ATP9B: variants seen among roughly 807,000 people sequenced by gnomAD.
ATP9B encodes probable phospholipid-transporting ATPase IIB.
Under a neutral mutation model 146.1 loss-of-function variants are expected in ATP9B, and 110 were observed. The observed-to-expected ratio is 0.75, with a 90% CI of 0.65 to 0.88. The LOEUF (loss-of-function observed/expected upper bound fraction) is 0.88, where lower values mean the gene tolerates loss of function less well. Among genes scored for constraint, ATP9B ranks in the 40% least tolerant of loss-of-function variants. The pLI is 0.00. For missense variants in ATP9B, 1,499 were observed against 1,496.4 expected (o/e 1.00, Z -0.03); for synonymous variants, 604 against 569.7 (o/e 1.06, Z -0.86).
chr18:79,084,109 G>A (rs1384450129), intron 1 of ATP9B, among the ~76,000 whole-genome samples: 1 of 151,364 alleles, frequency 6.6e-6, no homozygotes, highest in Non-Finnish European at 1.5e-5. Flanking sequence ...CACCCGCCTC[G>A]GCCTCCCAAA....
chr18:79,229,371 T>C (rs2095767283), intron 11 of ATP9B, among the ~76,000 whole-genome samples: 1 of 152,084 alleles, frequency 6.6e-6, no homozygotes, highest in Non-Finnish European at 1.5e-5. Context: ...GCAACAGTTT[T>C]CTTAAGTTAA....
At chr18:79,179,575 CTG>C (rs1187886953) in intron 8 of ATP9B, among the ~76,000 whole-genome samples, 4 of 152,106 alleles carry the variant, frequency 2.6e-5, no homozygotes, top group East Asian at 3.8e-4. Context: ...TGGAAATACA[CTG>C]TTATTTGCTA....
intron 4 of ATP9B, among the ~76,000 whole-genome samples, chr18:79,123,865 C>T (rs937234410): frequency 6.6e-6 from 1 of 152,168 alleles, no homozygotes; most frequent in African/African-American, 2.4e-5. Context: ...TCTGAGTAGA[C>T]ATTTACCCAA....
At chr18:79,070,025 C>T (rs1377252267) in intron 1 of ATP9B, among the ~76,000 whole-genome samples, 2 of 152,136 alleles carry the variant, frequency 1.3e-5, no homozygotes, top group African/African-American at 4.8e-5. Context: ...CATATATATA[C>T]AAAGTGCTTT....
At chr18:79,291,145 C>G (rs143156637) in intron 13 of ATP9B, among the ~76,000 whole-genome samples, 1 of 152,052 alleles carries the variant, frequency 6.6e-6, no homozygotes, top group Non-Finnish European at 1.5e-5. Context: ...TCCCAAAAAA[C>G]TCTTTTTCAT....
intron 11 of ATP9B, among the ~76,000 whole-genome samples, chr18:79,242,400 C>A (rs113753810): frequency 6.6e-6 from 1 of 152,164 alleles, no homozygotes; most frequent in Non-Finnish European, 1.5e-5. Context: ...TAACCGCAAA[C>A]GAGAAAGATG....
At position 79,100,303 on chromosome 18, in the gene ATP9B, A is replaced by C. The variant is rs958622067; in HGVS notation, c.293+3654A>C. 2.0e-5 allele frequency among the ~76,000 whole-genome samples: 3 copies of C among 152,274 alleles called. No individual in the cohort carries two copies. The South Asian group carries it at 6.2e-4, about 32-fold the overall frequency. ...TCATAGTTGTTGGTTGTCTAGTTCA[A>C]ATCTGTGTTGCTGTTCATGGTTTGC... is the stretch of plus-strand genomic sequence containing the variant. On this transcript the variant is annotated intron_variant, in intron 2 of 29. Coordinates refer to ENST00000426216, the MANE Select transcript of ATP9B (RefSeq NM_198531.5).
At chr18:79,194,772 A>G (rs146262813) in intron 9 of ATP9B, among the ~76,000 whole-genome samples, 3 of 152,186 alleles carry the variant, frequency 2.0e-5, no homozygotes, top group African/African-American at 4.8e-5. Flanking sequence ...GTGAACTTCA[A>G]TTTACTGTAA....
intron 1 of ATP9B, among the ~76,000 whole-genome samples, chr18:79,076,902 T>TC (rs1213151867): frequency 6.8e-6 from 1 of 147,418 alleles, no homozygotes; most frequent in Non-Finnish European, 1.5e-5. Context: ...TTTTTCTTCC[T>TC]CGTTTTTTTA....
intron 5 of ATP9B, among the ~76,000 whole-genome samples, chr18:79,140,015 C>T (rs1184045638): frequency 1.3e-5 from 2 of 152,186 alleles, no homozygotes; most frequent in African/African-American, 2.4e-5. Context: ...ATATTGATAG[C>T]ATTTTAAGCA....
chr18:79,215,555 C>T (rs1374653202), intron 11 of ATP9B, among the ~76,000 whole-genome samples: 1 of 152,146 alleles, frequency 6.6e-6, no homozygotes, highest in Non-Finnish European at 1.5e-5. Flanking sequence ...ATATGCAAGT[C>T]AGTAGTTCTA....
chr18:79,250,843 G>A lies in ATP9B; in HGVS notation c.1108-2538G>A, dbSNP rs370040339. Among the ~76,000 whole-genome samples, 22 of 152,312 alleles carry A rather than the reference G, an allele frequency of 1.4e-4. No individual in the cohort carries two copies. The South Asian group carries it at 4.3e-3, about 30-fold the overall frequency. On this transcript the variant is annotated intron_variant, in intron 11 of 29. Transcript: ENST00000426216. Reference sequence around the variant, plus strand: ...GGGGAGCGGCGCTGTTACTGGTACTGTGGCTGACCCAGAGAAGAGAAAGCC... The same window carrying A: ...GGGGAGCGGCGCTGTTACTGGTACTATGGCTGACCCAGAGAAGAGAAAGCC...
chr18:79,315,815 A>T (rs757714626), intron 15 of ATP9B, among the ~76,000 whole-genome samples: 1 of 152,222 alleles, frequency 6.6e-6, no homozygotes, highest in Non-Finnish European at 1.5e-5. Flanking sequence ...GGCAGAGATT[A>T]CTTAACTGTG....
chr18:79,289,707 G>GT (rs2096482464), intron 13 of ATP9B, among the ~76,000 whole-genome samples: 1 of 152,154 alleles, frequency 6.6e-6, no homozygotes, highest in Admixed American at 6.5e-5. Context: ...AGAGTTTGCA[G>GT]TTTTTCTGCT....
At chr18:79,237,933 TC>T (rs2095857244) in intron 11 of ATP9B, among the ~76,000 whole-genome samples, 1 of 152,174 alleles carries the variant, frequency 6.6e-6, no homozygotes, top group African/African-American at 2.4e-5. Context: ...CAAGTGATCC[TC>T]CAGCCATGGC....
chr18:79,200,790 G>GGGTCAGAGC (rs1402464696), intron 9 of ATP9B, among the ~76,000 whole-genome samples: 1 of 152,128 alleles, frequency 6.6e-6, no homozygotes, highest in Non-Finnish European at 1.5e-5. Flanking sequence ...AGTAGTGGTG[G>GGGTCAGAGC]AATTGTTTTC....
At chr18:79,268,224 A>G (rs917453177) in intron 12 of ATP9B, among the ~76,000 whole-genome samples, 32 of 151,892 alleles carry the variant, frequency 2.1e-4, no homozygotes, top group Admixed American at 2.0e-4. Flanking sequence ...ACTTCTCTGT[A>G]TATTTATTTT....
At chr18:79,252,220 C>A (rs1337292340) in intron 11 of ATP9B, among the ~76,000 whole-genome samples, 1 of 152,222 alleles carries the variant, frequency 6.6e-6, no homozygotes, top group Non-Finnish European at 1.5e-5. Context: ...CTGTGCCATG[C>A]GCTCCCTCTT....
chr18:79,166,259 GGA>G (rs1422076202), intron 7 of ATP9B, among the ~76,000 whole-genome samples: 1 of 152,192 alleles, frequency 6.6e-6, no homozygotes, highest in Non-Finnish European at 1.5e-5. Flanking sequence ...GAAGCTTCAT[GGA>G]GAGTCCTAGA....
Sources: gnomAD v4.1 joint callset for allele counts (sites outside exome capture counted in the v4.1 genomes callset) on GRCh38, gnomAD v4.1.1 for gene constraint, MANE v1.5 for transcripts, NCBI Gene and HGNC (gene_info 2026-07-23, HGNC 2026-07-21) for gene names.